Variants in KIAA1549 observed in about 807,000 individuals in gnomAD.
KIAA1549 encodes KIAA1549.
In KIAA1549, 70 loss-of-function variants were observed where a neutral mutation model predicts 156.4. The observed-to-expected ratio is 0.45, with a 90% confidence interval of 0.37 to 0.55. The LOEUF is 0.55. KIAA1549 is among the 20% of genes least tolerant of loss of function. The probability of loss-of-function intolerance (pLI) is 0.00; values close to 1 mark genes in which losing one functional copy is unlikely to be tolerated. For missense variants in KIAA1549, 2,428 were observed against 2,540.9 expected (o/e 0.96, Z 0.96); for synonymous variants, 1,103 against 1,066.4 (o/e 1.03, Z -0.67).
rs57352970 is a variant in KIAA1549, at chr7:138,859,008, AACACACACACACACACACACAC to A, written c.5247+2109_5247+2130del. On this transcript the variant is annotated intron_variant, in intron 16 of 19. Coordinates refer to ENST00000422774, the MANE Select transcript of KIAA1549 (RefSeq NM_001164665.2). ...GTGACAGAGCGAGACTCCATCTCAA[AACACACACACACACACACACAC>A]ACACACACACACACACACACACGAA... 1.6e-4 allele frequency among the ~76,000 whole-genome samples: 23 copies of A among 142,358 alleles called. 1 individual carries two copies. In the South Asian group the frequency reaches 2.9e-3, roughly 18 times the overall value. 93.4% of individuals were successfully genotyped at this position (142,358 alleles called of 152,430 possible). A position where few individuals can be genotyped will look rare whatever the true frequency, so the allele number is the denominator to read the frequency against.
chr7:138,881,094 C>G (rs1295488553), intron 11 of KIAA1549, among the ~76,000 whole-genome samples: 1 of 152,236 alleles, frequency 6.6e-6, no homozygotes, highest in East Asian at 1.9e-4. Context: ...GATATATACA[C>G]ATGAGCTGGT....
intron 12 of KIAA1549, among the ~76,000 whole-genome samples, chr7:138,873,511 A>G (rs1345416447): frequency 1.3e-5 from 2 of 151,628 alleles, no homozygotes; most frequent in African/African-American, 2.4e-5. Context: ...AGGGTAGCCC[A>G]TTAAGCTACT....
intron 9 of KIAA1549, among the ~76,000 whole-genome samples, chr7:138,897,266 A>G (rs1230761430): frequency 6.6e-6 from 1 of 152,182 alleles, no homozygotes; most frequent in Non-Finnish European, 1.5e-5. Flanking sequence ...TCAATATGTG[A>G]TCATATCTCA....
chr7:138,900,566 G>T (rs1811812773), intron 8 of KIAA1549, among the ~76,000 whole-genome samples: 2 of 152,208 alleles, frequency 1.3e-5, no homozygotes, highest in African/African-American at 4.8e-5. Context: ...GCTACAGTTT[G>T]GATGTTGGAC....
intron 7 of KIAA1549, 123 bp from the exon 8 acceptor site, chr7:138,903,859 GCGCGCGCGCGCACA>G: frequency 1.5e-6 from 1 of 666,124 alleles, no homozygotes; most frequent in Non-Finnish European, 2.3e-6. Flanking sequence ...GTGTGCGCGC[GCGCGCGCGCGCACA>G]TATGTATTTG....
rs1812394540 is a variant in KIAA1549 at position 138,917,945 on chromosome 7, T to C, written c.1681A>G (p.Ile561Val). The stretch of plus-strand genomic sequence containing the variant: ...GATGAGTCAAGGAGAATGCTGGTGA[T>C]GACCGAGAAAAATGCAGTGGTCACG... ...SSVTTAFFSV[I>V]TSILLDSSFS... The change falls in exon 2 of 20, where the codon ATC (isoleucine) becomes GTC (valine). Residue 561 changes from isoleucine to valine, a missense_variant. Physicochemically the swap from Ile to Val is conservative, Grantham distance 29. Transcript: ENST00000422774. 6.3e-7 allele frequency: 1 copy of C among 1,593,334 alleles called. No individual in the cohort carries two copies. Among genetic ancestry groups the C allele is most frequent in the South Asian group, 1.1e-5 (1 of 87,734 alleles).
chr7:138,881,372 A>G lies in KIAA1549; in HGVS notation c.4229+16T>C, dbSNP rs371623703. On this transcript the variant is annotated intron_variant, in intron 11 of 19. Transcript: ENST00000422774. ...TGCTCTGCAACAAAGAATAATACAG[A>G]AAGCCCAATAATAACCTTCCTCTGT... is the stretch of plus-strand genomic sequence containing the variant. The G allele has an allele frequency of 4.4e-5, 70 of 1,607,338 alleles. No individual in the cohort carries two copies. The African/African-American group carries it at 7.2e-4, about 17-fold the overall frequency.
intron 14 of KIAA1549, among the ~76,000 whole-genome samples, chr7:138,868,469 C>G (rs1273877076): frequency 5.3e-5 from 8 of 152,124 alleles, no homozygotes; most frequent in Non-Finnish European, 1.0e-4. Flanking sequence ...ATACCGTCGC[C>G]CAGGGTGGAG....
intron 16 of KIAA1549, among the ~76,000 whole-genome samples, chr7:138,856,291 G>C (rs2130357287): frequency 6.6e-6 from 1 of 151,644 alleles, no homozygotes; most frequent in South Asian, 2.1e-4. Context: ...ACCCACATCG[G>C]CCTCCCACAT....
At chr7:138,913,431 A>G (rs1176294202) in intron 2 of KIAA1549, among the ~76,000 whole-genome samples, 1 of 152,172 alleles carries the variant, frequency 6.6e-6, no homozygotes, top group African/African-American at 2.4e-5. Context: ...ATCTATACTA[A>G]TAAGTAAGCC....
At chr7:138,852,718 A>G (rs1344038952) in intron 16 of KIAA1549, among the ~76,000 whole-genome samples, 1 of 152,240 alleles carries the variant, frequency 6.6e-6, no homozygotes, top group Non-Finnish European at 1.5e-5. Flanking sequence ...GCTGCCCAGT[A>G]CCTATTCAAA....
chr7:138,885,091 A>T (rs1361977027), intron 10 of KIAA1549, among the ~76,000 whole-genome samples: 1 of 152,056 alleles, frequency 6.6e-6, no homozygotes, highest in Admixed American at 6.5e-5. Flanking sequence ...GCTACTCGGG[A>T]GGCTGAGGCA....
intron 9 of KIAA1549, among the ~76,000 whole-genome samples, chr7:138,895,403 T>C (rs1474939329): frequency 1.3e-5 from 2 of 152,174 alleles, no homozygotes. Flanking sequence ...GATGAATGAA[T>C]GAACAAAATG....
chr7:138,881,710 A>T, intron 10 of KIAA1549, 126 bp from the exon 11 acceptor site: 1 of 775,626 alleles, frequency 1.3e-6, no homozygotes, highest in South Asian at 1.9e-5. Flanking sequence ...CATCGCTAGA[A>T]CATGGACTGC....
At chr7:138,920,082 C>A in intron 1 of KIAA1549, among the ~76,000 whole-genome samples, 1 of 145,452 alleles carries the variant, frequency 6.9e-6, no homozygotes, top group African/African-American at 2.7e-5. Context: ...GCCTTCCCAG[C>A]TATGCTCTGG....
chr7:138,919,317 G>A lies in KIAA1549; in HGVS notation c.309C>T (p.His103=), dbSNP rs542413742. The change falls in exon 2 of 20, where the codon CAC becomes CAT. Residue 103 remains histidine, a synonymous_variant. Coordinates refer to ENST00000422774, the MANE Select transcript of KIAA1549 (RefSeq NM_001164665.2). ...GGGCTGTGACATGGAGAGGACTGCTGTGCTGGGAGCCGGGAGCAGTTTCTG... is the reference window on the plus strand; with the variant it reads ...GGGCTGTGACATGGAGAGGACTGCTATGCTGGGAGCCGGGAGCAGTTTCTG... ...ALTETAPGSQ[H]SSPLHVTAPP... 153 of 1,614,018 alleles carry A rather than the reference G, an allele frequency of 9.5e-5. 2 individuals carry two copies. The South Asian group carries it at 1.3e-3, about 14-fold the overall frequency.
At chr7:138,955,344 G>C (rs1186152294) in intron 1 of KIAA1549, among the ~76,000 whole-genome samples, 1 of 152,154 alleles carries the variant, frequency 6.6e-6, no homozygotes, top group Non-Finnish European at 1.5e-5. Context: ...CTACAACACA[G>C]GTGAAGCTTG....
intron 1 of KIAA1549, among the ~76,000 whole-genome samples, chr7:138,940,995 G>A (rs1235921022): frequency 1.3e-5 from 2 of 151,924 alleles, no homozygotes; most frequent in Admixed American, 6.6e-5. Context: ...AGTTTCTTTT[G>A]CTGTGCAGAA....
At chr7:138,887,094 C>T (rs1811414155) in intron 10 of KIAA1549, among the ~76,000 whole-genome samples, 1 of 151,742 alleles carries the variant, frequency 6.6e-6, no homozygotes, top group Non-Finnish European at 1.5e-5. Flanking sequence ...TTTTTTATTA[C>T]AGATGGGGTT....
Sources: gnomAD v4.1 joint callset for allele counts (sites outside exome capture counted in the v4.1 genomes callset) on GRCh38, gnomAD v4.1.1 for gene constraint, MANE v1.5 for transcripts, NCBI Gene and HGNC (gene_info 2026-07-23, HGNC 2026-07-21) for gene names.